Variants in ZNF417 observed in about 807,000 individuals in gnomAD.
ZNF417 encodes the protein zinc finger protein 417.
A neutral mutation model predicts 7.4 loss-of-function variants in ZNF417; 5 were observed. The ratio of observed to expected loss-of-function variants is 0.68; its 90% confidence interval spans 0.35 to 1.43. The LOEUF is 1.43. Among genes scored for constraint, ZNF417 ranks in the 40% most tolerant of loss-of-function variants. The pLI is 0.04. For missense variants in ZNF417, 437 were observed against 697.3 expected, an observed-to-expected ratio of 0.63 and a Z score of 4.20; for synonymous variants, 147 against 239.1, an observed-to-expected ratio of 0.61 and a Z score of 3.55.
intron 2 of ZNF417, among the ~76,000 whole-genome samples, chr19:57,911,653 A>C (rs1176671417): frequency 5.3e-5 from 8 of 152,294 alleles, no homozygotes; most frequent in Admixed American, 3.9e-4. Context: ...TCTTGCAAGA[A>C]GAGTCTATGG....
In ZNF417 at chr19:57,908,695, G is replaced by A. The variant is rs748498260; in HGVS notation, c.1583C>T (p.Ser528Phe). 4.3e-5 allele frequency: 69 copies of A among 1,613,674 alleles called. 1 individual carries two copies. In the South Asian group the frequency reaches 7.6e-4, roughly 18 times the overall value. ...AATGAGACTGGAACATTCAGCAAAGGATTTTCCACATTCACTGCACTTATA... is the reference window on the plus strand; with the variant it reads ...AATGAGACTGGAACATTCAGCAAAGAATTTTCCACATTCACTGCACTTATA... ...KPYKCSECGK[S>F]FAECSSLIKH... The change falls in exon 3 of 3, where the codon TCC (serine) becomes TTC (phenylalanine). Residue 528 changes from serine to phenylalanine, a missense_variant. This residue lies in a region of ZNF417 where 233 missense variants were observed against 235.5 expected (regional missense o/e 0.99). Coordinates refer to ENST00000312026, the MANE Select transcript of ZNF417 (RefSeq NM_152475.3).
At chr19:57,910,936 T>C (rs1193466749) in intron 2 of ZNF417, among the ~76,000 whole-genome samples, 5 of 152,124 alleles carry the variant, frequency 3.3e-5, no homozygotes, top group African/African-American at 9.7e-5. Flanking sequence ...TCCCAGCTAC[T>C]TGGGCGGCTG....
rs768176354 is a variant in ZNF417, at chr19:57,909,076, C to T, written c.1202G>A (p.Gly401Asp). ...QKGNLVQHQR[G>D]HTGERPYECK... The stretch of plus-strand genomic sequence containing the variant: ...CTCATAGGGCCTTTCTCCAGTATGA[C>T]CTCGCTGATGTTGAACGAGGTTGCC... The change falls in exon 3 of 3, where the codon GGT (glycine) becomes GAT (aspartate). Residue 401 changes from glycine (G) to aspartate (D), a missense_variant. Physicochemically the swap from Gly to Asp is moderately conservative, Grantham distance 94. This residue lies in a region of ZNF417 where 233 missense variants were observed against 235.5 expected (regional missense o/e 0.99). Transcript: ENST00000312026. The T allele has an allele frequency of 2.5e-6, 4 of 1,614,014 alleles. No individual in the cohort carries two copies. The highest frequency in any genetic ancestry group is 3.4e-6 in the Non-Finnish European group (4 of 1,180,030).
At chr19:57,912,599 T>C (rs566956170) in intron 1 of ZNF417, among the ~76,000 whole-genome samples, 37 of 152,088 alleles carry the variant, frequency 2.4e-4, no homozygotes, top group African/African-American at 8.7e-4. Flanking sequence ...TCCCCACAAA[T>C]AGAACTTTGT....
chr19:57,914,045 A>C (rs2071922363), intron 1 of ZNF417, among the ~76,000 whole-genome samples: 1 of 152,192 alleles, frequency 6.6e-6, no homozygotes, highest in Non-Finnish European at 1.5e-5. Flanking sequence ...ATATGGCCAA[A>C]ACAACACTCT....
rs1010912537 is a variant in ZNF417, at chr19:57,905,988, C to G, written c.*2562G>C. On this transcript the variant is annotated 3_prime_UTR_variant, in exon 3 of 3. Coordinates refer to ENST00000312026, the MANE Select transcript of ZNF417 (RefSeq NM_152475.3). ...GAAAAAAGTTTTGTTTTTTTTGAGGCAGGGCCTTGCTCTTTTGCCCAGGCT... is the reference window on the plus strand; with the variant it reads ...GAAAAAAGTTTTGTTTTTTTTGAGGGAGGGCCTTGCTCTTTTGCCCAGGCT... Among the ~76,000 whole-genome samples, 1 of 151,904 alleles carries G rather than the reference C, an allele frequency of 6.6e-6. No individual in the cohort carries two copies. The highest frequency in any genetic ancestry group is 2.4e-5 in the African/African-American group (1 of 41,346).
chr19:57,914,284 G>A (rs1482823466), intron 1 of ZNF417, among the ~76,000 whole-genome samples: 2 of 151,810 alleles, frequency 1.3e-5, no homozygotes, highest in South Asian at 2.1e-4. Context: ...TCAGGAGTTC[G>A]AGACCAGTCT....
Position 57,908,866 on chromosome 19 carries a change from T to G in ZNF417, c.1412A>C (p.Lys471Thr), listed in dbSNP as rs147695123. The change falls in exon 3 of 3, where the codon AAA becomes ACA. Residue 471 changes from lysine (K) to threonine (T), a missense_variant. By Grantham distance (78) the Lys-to-Thr change is moderately conservative. Coordinates refer to ENST00000312026, the MANE Select transcript of ZNF417 (RefSeq NM_152475.3). The part of the protein sequence containing the change: ...ERPYACEVCG[K>T]LFGNKNCVTI... ...CACGCAGTTCTTATTACCAAATAAT[T>G]TCCCACATACCTCACACGCATATGG... The G allele has an allele frequency of 2.1e-4, 343 of 1,614,190 alleles. No homozygotes were observed. Among genetic ancestry groups the G allele is most frequent in the Non-Finnish European group, 2.8e-4 (332 of 1,180,032 alleles).
At position 57,908,414 on chromosome 19, in the gene ZNF417, C is replaced by T; in HGVS notation, c.*136G>A. 6.6e-7 allele frequency: 1 copy of T among 1,512,832 alleles called. No homozygotes were observed. The highest frequency in any genetic ancestry group is 1.2e-5 in the South Asian group (1 of 81,076). 93.7% of individuals were successfully genotyped at this position (1,512,832 alleles called of 1,614,324 possible). On this transcript the variant is annotated 3_prime_UTR_variant, in exon 3 of 3. Coordinates refer to ENST00000312026, the MANE Select transcript of ZNF417 (RefSeq NM_152475.3). ...ATGAGACTCCGTTCCAATGCGAAGT[C>T]TCTTAAGACCAAGGAGAGCAGACAT...
chr19:57,909,594 A>G lies in ZNF417; in HGVS notation c.684T>C (p.Ile228=). 1 of 1,607,532 alleles carries G rather than the reference A, an allele frequency of 6.2e-7. No homozygotes were observed. Among genetic ancestry groups the G allele is most frequent in the Non-Finnish European group, 8.5e-7 (1 of 1,177,866 alleles). ...TKAFSTKHSV[I]PHQKLFTRDG... ...CTCTAGTGAAAAGTTTCTGGTGTGGAATAACTGAGTGTTTGGTGCTGAAGG... is the reference window on the plus strand; with the variant it reads ...CTCTAGTGAAAAGTTTCTGGTGTGGGATAACTGAGTGTTTGGTGCTGAAGG... The change falls in exon 3 of 3, where the codon ATT becomes ATC. Residue 228 remains isoleucine, a synonymous_variant. Coordinates refer to ENST00000312026, the MANE Select transcript of ZNF417 (RefSeq NM_152475.3).
Position 57,908,721 on chromosome 19 carries a change from A to C in ZNF417, c.1557T>G (p.Pro519=). The change falls in exon 3 of 3, where the codon CCT becomes CCG. Residue 519 remains proline (P), a synonymous_variant. Coordinates refer to ENST00000312026, the MANE Select transcript of ZNF417 (RefSeq NM_152475.3). ...VHKRVHSGQK[P]YKCSECGKSF... ...ATTTTCCACATTCACTGCACTTATA[A>C]GGCTTTTGTCCAGAATGAACTCTTT... 2 of 1,614,022 alleles carry C rather than the reference A, an allele frequency of 1.2e-6. No homozygotes were observed. Among genetic ancestry groups the C allele is most frequent in the Non-Finnish European group, 1.7e-6 (2 of 1,180,002 alleles).
Position 57,908,909 on chromosome 19 carries a change from C to T in ZNF417, c.1369G>A (p.Val457Ile), listed in dbSNP as rs779973189. 1 of 1,614,192 alleles carries T rather than the reference C, an allele frequency of 6.2e-7. No homozygotes were observed. Among genetic ancestry groups the T allele is most frequent in the Non-Finnish European group, 8.5e-7 (1 of 1,180,044 alleles). ...RKYHLLVHER[V>I]HTGERPYACE... ...GCATATGGCCTTTCTCCAGTGTGAACTCTCTCATGAACGAGAAGATGATAC... is the reference window on the plus strand; with the variant it reads ...GCATATGGCCTTTCTCCAGTGTGAATTCTCTCATGAACGAGAAGATGATAC... The change falls in exon 3 of 3, where the codon GTT becomes ATT. Residue 457 changes from valine (V) to isoleucine (I), a missense_variant. Physicochemically the swap from Val to Ile is conservative, Grantham distance 29 (BLOSUM62 3). Around this residue, in one of 5 missense-constraint regions of ZNF417, gnomAD observed 233 missense variants for 235.5 expected, o/e 0.99. Transcript: ENST00000312026.
intron 1 of ZNF417, 27 bp downstream of exon 1, chr19:57,916,352 T>C (rs541064641): frequency 1.3e-5 from 21 of 1,614,168 alleles, no homozygotes; most frequent in Non-Finnish European, 1.7e-5. Flanking sequence ...TGGGGTGACC[T>C]GAGGGCACAG....
rs2071900929 is a variant in ZNF417, at chr19:57,911,768, G to T, written c.163+292C>A. On this transcript the variant is annotated intron_variant, in intron 2 of 2. Coordinates refer to ENST00000312026, the MANE Select transcript of ZNF417 (RefSeq NM_152475.3). ...GGAAGGAAGTGTTAATAGAACCTGG[G>T]CACACAAGAGCTACCGATTTGGACA... is the stretch of plus-strand genomic sequence containing the variant. 3.9e-5 allele frequency among the ~76,000 whole-genome samples: 6 copies of T among 152,250 alleles called. No homozygotes were observed. The South Asian group carries it at 1.2e-3, about 32-fold the overall frequency.
chr19:57,916,203 G>T lies in ZNF417; in HGVS notation c.33+176C>A, dbSNP rs115755312. On this transcript the variant is annotated intron_variant, in intron 1 of 2. Transcript: ENST00000312026. The stretch of plus-strand genomic sequence containing the variant: ...AGGCAGCTGGCAAGGTGAACCCACT[G>T]GACAGTTACACAGGGACCCCCACTG... 8.8e-3 allele frequency among the ~76,000 whole-genome samples: 1,268 copies of T among 144,562 alleles called. 27 individuals are homozygous for T. Among genetic ancestry groups the T allele is most frequent in the African/African-American group, 0.036 (1,222 of 34,368 alleles). 94.8% of individuals were successfully genotyped at this position (144,562 alleles called of 152,430 possible).
chr19:57,915,755 A>G (rs923290727), intron 1 of ZNF417: 4 of 412,094 alleles, frequency 9.7e-6, no homozygotes, highest in African/African-American at 6.2e-5. Context: ...CGAATTAGCT[A>G]CAAGGTTAGA....
At chr19:57,915,481 CG>C in intron 1 of ZNF417, 1 of 499,306 alleles carries the variant, frequency 2.0e-6, no homozygotes, top group African/African-American at 2.0e-5. Flanking sequence ...CTCTCCCCAC[CG>C]CATCCCACGG....
chr19:57,908,688 A>T lies in ZNF417; in HGVS notation c.1590T>A (p.Ala530=). The T allele has an allele frequency of 6.2e-7, 1 of 1,614,058 alleles. No homozygotes were observed. The highest frequency in any genetic ancestry group is 1.3e-5 in the African/African-American group (1 of 74,986). The change falls in exon 3 of 3, where the codon GCT becomes GCA. Residue 530 remains alanine, a synonymous_variant. Coordinates refer to ENST00000312026, the MANE Select transcript of ZNF417 (RefSeq NM_152475.3). ...TGTGTTTAATGAGACTGGAACATTC[A>T]GCAAAGGATTTTCCACATTCACTGC... is the stretch of plus-strand genomic sequence containing the variant. ...YKCSECGKSF[A]ECSSLIKHRR...
intron 1 of ZNF417, among the ~76,000 whole-genome samples, chr19:57,914,591 C>T (rs2071929752): frequency 6.6e-6 from 1 of 151,438 alleles, no homozygotes; most frequent in Non-Finnish European, 1.5e-5. Flanking sequence ...GTATCTGATC[C>T]ACTAACCCTC....
Sources: allele counts gnomAD v4.1 joint callset (sites outside exome capture counted in the v4.1 genomes callset), GRCh38; gene constraint gnomAD v4.1.1; regional missense constraint gnomAD v4.1.1; transcripts MANE v1.5; gene names NCBI Gene and HGNC (gene_info 2026-07-23, HGNC 2026-07-21).